Variants in GRM1 observed in about 807,000 individuals in gnomAD.
GRM1 encodes the protein glutamate metabotropic receptor 1, also known as metabotropic glutamate receptor 1.
GRM1 carries 33 observed loss-of-function variants against 90.9 expected under a neutral mutation model. That is an observed-to-expected ratio of 0.36 (90% CI 0.28 to 0.49). The LOEUF (loss-of-function observed/expected upper bound fraction) is 0.49, where lower values mean the gene tolerates loss of function less well. GRM1 is among the 20% of genes least tolerant of loss of function. GRM1 has a pLI of 0.99. For synonymous variants in GRM1, 700 were observed against 613.2 expected (o/e 1.14, Z -2.09); for missense variants, 1,190 against 1,534.3 (o/e 0.78, Z 3.75).
intron 2 of GRM1, among the ~76,000 whole-genome samples, chr6:146,247,779 GGTGTGTGT>G (rs370078805): frequency 7.3e-5 from 10 of 137,074 alleles, no homozygotes; most frequent in Non-Finnish European, 1.1e-4. Flanking sequence ...AAATGTGTGT[GGTGTGTGT>G]GTGTGTGTGT....
At chr6:146,100,961 C>A (rs1198010531) in intron 1 of GRM1, among the ~76,000 whole-genome samples, 1 of 152,092 alleles carries the variant, frequency 6.6e-6, no homozygotes, top group Non-Finnish European at 1.5e-5. Flanking sequence ...AAAAGCTGGG[C>A]ATGTTGGCAG....
chr6:146,212,192 TCA>T (rs375593271), intron 2 of GRM1, among the ~76,000 whole-genome samples: 1 of 152,318 alleles, frequency 6.6e-6, no homozygotes, highest in African/African-American at 2.4e-5. Context: ...CAAAATGCCT[TCA>T]CAGCAACATG....
At chr6:146,036,165 G>C (rs904658312) in intron 1 of GRM1, among the ~76,000 whole-genome samples, 1 of 151,970 alleles carries the variant, frequency 6.6e-6, no homozygotes, top group Admixed American at 6.6e-5. Flanking sequence ...GCAGTGACTG[G>C]AGTGATGGGT....
chr6:146,028,628 G>A (rs550004731), upstream of GRM1, among the ~76,000 whole-genome samples: 2 of 152,142 alleles, frequency 1.3e-5, no homozygotes, highest in African/African-American at 4.8e-5. Flanking sequence ...TCCTCCATAC[G>A]GAGACTTTAC....
intron 7 of GRM1, among the ~76,000 whole-genome samples, chr6:146,423,075 C>A (rs1207888544): frequency 1.3e-5 from 2 of 152,064 alleles, no homozygotes; most frequent in African/African-American, 4.8e-5. Flanking sequence ...TTGAAGAGGA[C>A]CCTTTCTAAC....
intron 2 of GRM1, among the ~76,000 whole-genome samples, chr6:146,253,381 G>A (rs541389893): frequency 1.6e-4 from 25 of 152,230 alleles, no homozygotes; most frequent in South Asian, 8.3e-4. Flanking sequence ...GAATATGTGC[G>A]TGTTTTGGGG....
intron 1 of GRM1, among the ~76,000 whole-genome samples, chr6:146,086,658 G>A (rs188199012): frequency 1.8e-3 from 279 of 152,058 alleles, no homozygotes; most frequent in Admixed American, 2.9e-3. Context: ...TCATTAATGC[G>A]TCCTGCTCTT....
At chr6:146,365,645 C>A (rs1001113941) in intron 5 of GRM1, among the ~76,000 whole-genome samples, 1 of 152,142 alleles carries the variant, frequency 6.6e-6, no homozygotes, top group African/African-American at 2.4e-5. Context: ...ATGCAGGGTA[C>A]TCATCCTACC....
intron 1 of GRM1, among the ~76,000 whole-genome samples, chr6:146,120,446 T>G (rs1467883629): frequency 6.6e-6 from 1 of 152,152 alleles, no homozygotes; most frequent in Admixed American, 6.5e-5. Flanking sequence ...TCCTGCCTGA[T>G]TGCCCTGGCC....
chr6:146,346,511 T>C (rs1785195749), intron 3 of GRM1, among the ~76,000 whole-genome samples: 1 of 152,028 alleles, frequency 6.6e-6, no homozygotes, highest in Non-Finnish European at 1.5e-5. Context: ...GAGTAAAATA[T>C]AGTGTCAGAG....
intron 2 of GRM1, among the ~76,000 whole-genome samples, chr6:146,303,122 A>C (rs962308648): frequency 2.0e-5 from 3 of 152,170 alleles, no homozygotes; most frequent in Admixed American, 6.5e-5. Flanking sequence ...TTCAATGGGA[A>C]GATTCTAGAG....
chr6:146,217,449 G>T (rs937612860), intron 2 of GRM1, among the ~76,000 whole-genome samples: 1 of 152,174 alleles, frequency 6.6e-6, no homozygotes, highest in Non-Finnish European at 1.5e-5. Context: ...GTTCAACAGA[G>T]GGCTGAATTA....
rs114911615 is a variant in GRM1, at chr6:146,029,124, A to T, written c.-394A>T. The stretch of plus-strand genomic sequence containing the variant: ...TGAAACGGACAAGGCAACTGTTAAC[A>T]TTATAGACCCCAGAGTTTTAACACA... On this transcript the variant is annotated 5_prime_UTR_variant, in exon 1 of 8. Coordinates refer to ENST00000282753, the MANE Select transcript of GRM1 (RefSeq NM_001278064.2). 3.2e-6 allele frequency: 1 copy of T among 317,360 alleles called. No homozygotes were observed. Among genetic ancestry groups the T allele is most frequent in the African/African-American group, 2.2e-5 (1 of 46,250 alleles). 19.7% of individuals were successfully genotyped at this position (317,360 alleles called of 1,614,324 possible).
chr6:146,220,453 G>C (rs1780022701), intron 2 of GRM1, among the ~76,000 whole-genome samples: 1 of 152,054 alleles, frequency 6.6e-6, no homozygotes, highest in Non-Finnish European at 1.5e-5. Context: ...GTGCAAGAGT[G>C]TGAGTTCCTC....
chr6:146,410,919 A>G (rs1295125584), intron 7 of GRM1, among the ~76,000 whole-genome samples: 1 of 152,226 alleles, frequency 6.6e-6, no homozygotes, highest in African/African-American at 2.4e-5. Context: ...TTTTGCTAGG[A>G]TGGTTAGAAT....
At chr6:146,148,026 G>T (rs73571267) in intron 1 of GRM1, among the ~76,000 whole-genome samples, 1 of 152,284 alleles carries the variant, frequency 6.6e-6, no homozygotes. Context: ...ATCACAGAAA[G>T]TGGCACATAG....
At chr6:146,143,551 C>T (rs183357848) in intron 1 of GRM1, among the ~76,000 whole-genome samples, 1 of 152,282 alleles carries the variant, frequency 6.6e-6, no homozygotes, top group East Asian at 1.9e-4. Context: ...TTCTGCAGGG[C>T]AGTATCTTGT....
At chr6:146,125,519 A>G (rs1052016311) in intron 1 of GRM1, among the ~76,000 whole-genome samples, 1 of 143,014 alleles carries the variant, frequency 7.0e-6, no homozygotes, top group Non-Finnish European at 1.5e-5. Flanking sequence ...CTCTCCCTCT[A>G]CTTTCCTCCC....
intron 1 of GRM1, among the ~76,000 whole-genome samples, chr6:146,141,480 A>T (rs1300123062): frequency 6.6e-6 from 1 of 152,124 alleles, no homozygotes; most frequent in East Asian, 1.9e-4. Flanking sequence ...CTTTCTACAC[A>T]TATCTCTTTC....
Sources: gnomAD v4.1 joint callset for allele counts (sites outside exome capture counted in the v4.1 genomes callset) on GRCh38, gnomAD v4.1.1 for gene constraint, MANE v1.5 for transcripts, NCBI Gene and HGNC (gene_info 2026-07-23, HGNC 2026-07-21) for gene names.